The following KCNH8 variants were observed in gnomAD, a reference collection of about 807,000 sequenced individuals.
KCNH8 encodes the protein potassium voltage-gated channel subfamily H member 8, also known as voltage-gated delayed rectifier potassium channel KCNH8.
Under a neutral mutation model 103.6 loss-of-function variants are expected in KCNH8, and 70 were observed. That is an observed-to-expected ratio of 0.68 (90% CI 0.56 to 0.82). The LOEUF (loss-of-function observed/expected upper bound fraction) is 0.82. Ranked by LOEUF, KCNH8 falls within the 40% of genes least tolerant of loss-of-function variation. The pLI is 0.00. For missense variants in KCNH8, 1,217 were observed against 1,329.9 expected, an observed-to-expected ratio of 0.92 and a Z score of 1.32; for synonymous variants, 498 against 489.4, an observed-to-expected ratio of 1.02 and a Z score of -0.23.
intron 5 of KCNH8, among the ~76,000 whole-genome samples, chr3:19,357,252 C>T (rs1424212137): frequency 1.3e-5 from 2 of 151,774 alleles, no homozygotes; most frequent in Non-Finnish European, 2.9e-5. Context: ...ATTTGCATCC[C>T]CATTCCTTCA....
chr3:19,243,883 C>A (rs1472417592), intron 1 of KCNH8, among the ~76,000 whole-genome samples: 1 of 151,984 alleles, frequency 6.6e-6, no homozygotes, highest in Non-Finnish European at 1.5e-5. Context: ...AATCAGGGGA[C>A]AAGTTAAATT....
chr3:19,251,074 G>A (rs1292765617), intron 1 of KCNH8, among the ~76,000 whole-genome samples: 3 of 152,064 alleles, frequency 2.0e-5, no homozygotes, highest in Non-Finnish European at 2.9e-5. Context: ...GTTGGGGAGA[G>A]ACACACACTA....
chr3:19,492,421 T>C (rs1308006642), intron 11 of KCNH8, among the ~76,000 whole-genome samples: 1 of 152,238 alleles, frequency 6.6e-6, no homozygotes, highest in African/African-American at 2.4e-5. Flanking sequence ...GCACCGTTTA[T>C]TGAACAGGAA....
At chr3:19,251,727 C>G (rs772526523) in intron 1 of KCNH8, among the ~76,000 whole-genome samples, 4 of 151,998 alleles carry the variant, frequency 2.6e-5, no homozygotes, top group Admixed American at 6.6e-5. Flanking sequence ...ATATATAAAG[C>G]ATGTGGGATA....
chr3:19,342,679 C>A lies in KCNH8; in HGVS notation c.535C>A (p.Gln179Lys), dbSNP rs138464814. 215 of 1,610,134 alleles carry A rather than the reference C, an allele frequency of 1.3e-4. No homozygotes were observed. In the African/African-American group the frequency reaches 2.5e-3, roughly 18 times the overall value. The change falls in exon 4 of 16, where the codon CAA becomes AAA. Residue 179 changes from glutamine to lysine, a missense_variant. Physicochemically the swap from Gln to Lys is moderately conservative, Grantham distance 53. Around this residue, in one of 3 missense-constraint regions of KCNH8, gnomAD observed 244 missense variants for 256.8 expected, o/e 0.95. Transcript: ENST00000328405. Reference protein sequence around the residue: ...AVLYHISGHLQRREKNKLKIN... With the variant: ...AVLYHISGHLKRREKNKLKIN... ...CCTTTATCACATCTCTGGGCACCTG[C>A]AAAGAAGAGAAAAGAACAAATTGAA...
intron 15 of KCNH8, among the ~76,000 whole-genome samples, chr3:19,528,017 T>C (rs946405763): frequency 1.3e-5 from 2 of 151,948 alleles, no homozygotes; most frequent in African/African-American, 4.8e-5. Flanking sequence ...CAGATGGTGA[T>C]GATAAACTGG....
intron 1 of KCNH8, among the ~76,000 whole-genome samples, chr3:19,175,275 G>A (rs1019425874): frequency 2.0e-5 from 3 of 147,984 alleles, no homozygotes; most frequent in Admixed American, 6.7e-5. Flanking sequence ...AGGCTGGAGT[G>A]CAGTGGCGCG....
At chr3:19,490,461 C>T (rs916809024) in intron 11 of KCNH8, among the ~76,000 whole-genome samples, 7 of 152,082 alleles carry the variant, frequency 4.6e-5, no homozygotes, top group African/African-American at 7.2e-5. Context: ...TGCACCTGCA[C>T]GGGTAATCAG....
chr3:19,425,658 G>A lies in KCNH8; in HGVS notation c.1178-12506G>A, dbSNP rs184066802. On this transcript the variant is annotated intron_variant, in intron 7 of 15. Coordinates refer to ENST00000328405, the MANE Select transcript of KCNH8 (RefSeq NM_144633.3). Reference sequence around the variant, plus strand: ...AGGTAAACTTGACTGGGAACAGGATGTGAGAACAGAACATTTAGGAATCAA... The same window carrying A: ...AGGTAAACTTGACTGGGAACAGGATATGAGAACAGAACATTTAGGAATCAA... Among the ~76,000 whole-genome samples the A allele has an allele frequency of 5.0e-3, 756 of 152,316 alleles. 2 individuals are homozygous for A. Among genetic ancestry groups the A allele is most frequent in the Non-Finnish European group, 8.0e-3 (546 of 68,024 alleles).
At chr3:19,212,756 C>G (rs978544161) in intron 1 of KCNH8, among the ~76,000 whole-genome samples, 33 of 152,118 alleles carry the variant, frequency 2.2e-4, no homozygotes, top group African/African-American at 7.2e-4. Flanking sequence ...TTGTCAGACT[C>G]CAAGAATCTA....
Position 19,450,203 on chromosome 3 carries a change from A to G in KCNH8, c.1473A>G (p.Lys491=). 1 of 1,613,726 alleles carries G rather than the reference A, an allele frequency of 6.2e-7. No individual in the cohort carries two copies. Among genetic ancestry groups the G allele is most frequent in the Non-Finnish European group, 8.5e-7 (1 of 1,179,772 alleles). The stretch of plus-strand genomic sequence containing the variant: ...ATCACACTAGAACTAAGGATCTGAA[A>G]GATTTCATCCGTGTCCATCACTTGC... ...SLYHTRTKDL[K]DFIRVHHLPQ... is the part of the protein sequence containing the mutation. The change falls in exon 9 of 16, where the codon AAA becomes AAG. Residue 491 remains lysine (K), a synonymous_variant. Coordinates refer to ENST00000328405, the MANE Select transcript of KCNH8 (RefSeq NM_144633.3).
At chr3:19,192,929 T>C (rs1486306596) in intron 1 of KCNH8, among the ~76,000 whole-genome samples, 1 of 151,670 alleles carries the variant, frequency 6.6e-6, no homozygotes, top group Non-Finnish European at 1.5e-5. Context: ...TTACTGGAAA[T>C]TTAACCCAAT....
At chr3:19,516,719 G>T (rs180841596) in intron 14 of KCNH8, among the ~76,000 whole-genome samples, 284 of 151,956 alleles carry the variant, frequency 1.9e-3, no homozygotes, top group Non-Finnish European at 3.5e-3. Context: ...TTTTCTAGAA[G>T]CAACTTCCAA....
At chr3:19,228,559 G>C (rs903558535) in intron 1 of KCNH8, among the ~76,000 whole-genome samples, 5 of 152,176 alleles carry the variant, frequency 3.3e-5, no homozygotes, top group African/African-American at 1.2e-4. Context: ...CCATAAAATA[G>C]ATTCTATAAT....
At chr3:19,423,129 T>C (rs567712393) in intron 7 of KCNH8, among the ~76,000 whole-genome samples, 3 of 152,214 alleles carry the variant, frequency 2.0e-5, no homozygotes, top group Admixed American at 2.0e-4. Context: ...TTCTAAAGAC[T>C]GAAAAGCTTC....
At chr3:19,367,190 T>C (rs1436076276) in intron 5 of KCNH8, among the ~76,000 whole-genome samples, 1 of 151,824 alleles carries the variant, frequency 6.6e-6, no homozygotes, top group African/African-American at 2.4e-5. Flanking sequence ...TGGCAAGACA[T>C]CTCCTTAGTT....
chr3:19,292,605 A>G (rs1235012735), intron 3 of KCNH8, among the ~76,000 whole-genome samples: 3 of 152,206 alleles, frequency 2.0e-5, no homozygotes, highest in African/African-American at 7.2e-5. Context: ...CATATTTCAA[A>G]GAGCATGGGA....
chr3:19,431,825 T>C (rs531549143), intron 7 of KCNH8, among the ~76,000 whole-genome samples: 10 of 152,288 alleles, frequency 6.6e-5, no homozygotes, highest in South Asian at 2.1e-4. Flanking sequence ...TTCTTTGTTT[T>C]TTCGTGGGGT....
chr3:19,205,032 A>C (rs561283214), intron 1 of KCNH8, among the ~76,000 whole-genome samples: 30 of 152,122 alleles, frequency 2.0e-4, no homozygotes, highest in African/African-American at 6.3e-4. Context: ...AGAGATCAAA[A>C]GAATACAGTG....
Sources: gnomAD v4.1 joint callset for allele counts (sites outside exome capture counted in the v4.1 genomes callset) on GRCh38, gnomAD v4.1.1 for gene constraint, gnomAD v4.1.1 regional missense constraint, MANE v1.5 for transcripts, NCBI Gene and HGNC (gene_info 2026-07-23, HGNC 2026-07-21) for gene names.